CEP128: variants seen among roughly 807,000 people sequenced by gnomAD.
CEP128 encodes centrosomal protein 128kDa.
In CEP128, 132 loss-of-function variants were observed where a neutral mutation model predicts 156.7. That is an observed-to-expected ratio of 0.84 (90% CI 0.73 to 0.97). The LOEUF is 0.97. Ranked by LOEUF, CEP128 falls within the 50% of genes least tolerant of loss-of-function variation. The pLI, the probability that CEP128 is intolerant of heterozygous loss-of-function variation, is 0.00. For synonymous variants in CEP128, 469 were observed against 448.9 expected (o/e 1.04, Z -0.57); for missense variants, 1,252 against 1,281.9 (o/e 0.98, Z 0.36).
intron 14 of CEP128, among the ~76,000 whole-genome samples, chr14:80,480,366 G>A (rs1227917652): frequency 1.3e-5 from 2 of 152,070 alleles, no homozygotes; most frequent in Admixed American, 6.5e-5. Context: ...CTATGTACCC[G>A]CAGGCTCAAC....
chr14:80,830,949 G>T (rs1595469123), intron 13 of CEP128, 194 bp downstream of exon 13: 1 of 507,586 alleles, frequency 2.0e-6, no homozygotes, highest in East Asian at 3.3e-5. Flanking sequence ...CTGGCTTTGG[G>T]GTCCTGAATG....
At chr14:80,692,291 C>G (rs758069380) in intron 19 of CEP128, among the ~76,000 whole-genome samples, 10 of 152,268 alleles carry the variant, frequency 6.6e-5, no homozygotes, top group Admixed American at 5.2e-4. Context: ...ATATAAAGAT[C>G]ATGGCTCTAA....
intron 6 of CEP128, among the ~76,000 whole-genome samples, chr14:80,901,211 A>G (rs1032985642): frequency 1.3e-5 from 2 of 152,206 alleles, no homozygotes; most frequent in African/African-American, 4.8e-5. Context: ...GTCTCAAAAA[A>G]AAAAATAAAT....
chr14:80,698,074 T>G (rs1896949611), intron 19 of CEP128, among the ~76,000 whole-genome samples: 1 of 152,034 alleles, frequency 6.6e-6, no homozygotes, highest in Non-Finnish European at 1.5e-5. Flanking sequence ...TATATTAAAT[T>G]TATCATCAAA....
chr14:80,934,606 G>A (rs1454823999), intron 2 of CEP128, among the ~76,000 whole-genome samples: 1 of 152,080 alleles, frequency 6.6e-6, no homozygotes, highest in Non-Finnish European at 1.5e-5. Context: ...CTATTCCCAG[G>A]CCCCAGCATA....
chr14:80,516,911 G>C (rs1309909962), intron 23 of CEP128, among the ~76,000 whole-genome samples: 1 of 152,158 alleles, frequency 6.6e-6, no homozygotes, highest in Non-Finnish European at 1.5e-5. Context: ...ACCAGGTACT[G>C]TGATTGCTCG....
chr14:80,559,982 G>A (rs570333564), intron 20 of CEP128, among the ~76,000 whole-genome samples: 1 of 152,296 alleles, frequency 6.6e-6, no homozygotes, highest in South Asian at 2.1e-4. Context: ...GTATTCTCAA[G>A]TCTTTCCAGA....
At chr14:80,822,993 T>C (rs1885272883) in intron 13 of CEP128, among the ~76,000 whole-genome samples, 1 of 152,204 alleles carries the variant, frequency 6.6e-6, no homozygotes, top group African/African-American at 2.4e-5. Flanking sequence ...TGGACTGATG[T>C]GGGGAAAACA....
intron 6 of CEP128, among the ~76,000 whole-genome samples, chr14:80,903,461 C>T (rs1474272560): frequency 6.6e-6 from 1 of 151,642 alleles, no homozygotes; most frequent in Non-Finnish European, 1.5e-5. Flanking sequence ...TGGATATGAC[C>T]CCAAAAGCAC....
rs117345070 is a variant in CEP128, at chr14:80,767,331, C to T, written c.2377-5718G>A. On this transcript the variant is annotated intron_variant, in intron 16 of 24. Coordinates refer to ENST00000555265, the MANE Select transcript of CEP128 (RefSeq NM_152446.5). ...AAAATAACACATCAAGTGCTGGTCA[C>T]ATCATAACCACTTTTTTCAAGCTTA... 1.8e-3 allele frequency among the ~76,000 whole-genome samples: 275 copies of T among 152,072 alleles called. 1 individual carries two copies. Among genetic ancestry groups the T allele is most frequent in the Non-Finnish European group, 3.2e-3 (215 of 67,912 alleles).
intron 12 of CEP128, among the ~76,000 whole-genome samples, chr14:80,831,585 C>G (rs74326275): frequency 1.3e-5 from 2 of 150,500 alleles, no homozygotes; most frequent in Admixed American, 1.3e-4. Context: ...ATTTTCCTCA[C>G]ATCTCTACAC....
chr14:80,779,181 A>C (rs528882649), intron 15 of CEP128, among the ~76,000 whole-genome samples: 2 of 152,352 alleles, frequency 1.3e-5, no homozygotes, highest in South Asian at 2.1e-4. Flanking sequence ...TGTTTAAAAT[A>C]TATGCTTTAA....
At chr14:80,667,597 G>A (rs1039095252) in intron 19 of CEP128, among the ~76,000 whole-genome samples, 12 of 152,104 alleles carry the variant, frequency 7.9e-5, no homozygotes, top group Admixed American at 2.6e-4. Context: ...GGTGGCTCAC[G>A]CCTGTAATCC....
chr14:80,880,758 G>A (rs1410441701), intron 8 of CEP128, among the ~76,000 whole-genome samples: 1 of 150,250 alleles, frequency 6.7e-6, no homozygotes, highest in Non-Finnish European at 1.5e-5. Flanking sequence ...AGCTACTCGG[G>A]AGGCTGAGGC....
chr14:80,861,743 T>C (rs1403449755), intron 9 of CEP128, among the ~76,000 whole-genome samples: 5 of 152,224 alleles, frequency 3.3e-5, no homozygotes, highest in Non-Finnish European at 7.3e-5. Context: ...AAAATTTGAA[T>C]AAAACGTATA....
At chr14:80,540,201 C>CCA (rs1555372612) in intron 21 of CEP128, among the ~76,000 whole-genome samples, 1 of 149,240 alleles carries the variant, frequency 6.7e-6, no homozygotes, top group African/African-American at 2.5e-5. Context: ...TCTTACACCC[C>CCA]CCCCCCTTTT....
At chr14:80,685,389 G>C (rs1258862345) in intron 19 of CEP128, among the ~76,000 whole-genome samples, 1 of 151,654 alleles carries the variant, frequency 6.6e-6, no homozygotes, top group Non-Finnish European at 1.5e-5. Flanking sequence ...TCTAACCGAA[G>C]AAGTAAAATA....
intron 19 of CEP128, among the ~76,000 whole-genome samples, chr14:80,704,906 T>C (rs1287251440): frequency 1.8e-4 from 27 of 152,158 alleles, no homozygotes; most frequent in Admixed American, 1.7e-3. Flanking sequence ...AGCTGATATA[T>C]ACATTACTCC....
intron 19 of CEP128, among the ~76,000 whole-genome samples, chr14:80,605,305 T>C (rs1892733506): frequency 6.6e-6 from 1 of 152,096 alleles, no homozygotes; most frequent in African/African-American, 2.4e-5. Context: ...AGAATTAATA[T>C]GTATAACAAT....
Sources: allele counts gnomAD v4.1 joint callset (sites outside exome capture counted in the v4.1 genomes callset), GRCh38; gene constraint gnomAD v4.1.1; transcripts MANE v1.5; gene names NCBI Gene and HGNC (gene_info 2026-07-23, HGNC 2026-07-21).